HAUS7: variants seen among roughly 807,000 people sequenced by gnomAD.
The protein encoded by HAUS7 is HAUS augmin-like complex subunit 7.
Under a neutral mutation model 28.4 loss-of-function variants are expected in HAUS7, and 3 were observed. The ratio of observed to expected loss-of-function variants is 0.11; its 90% CI spans 0.05 to 0.27. The LOEUF is 0.27. Among genes scored for constraint, HAUS7 ranks in the 10% least tolerant of loss-of-function variants. HAUS7 has a pLI of 1.00. For synonymous variants in HAUS7, 165 were observed against 132.1 expected, an observed-to-expected ratio of 1.25 and a Z score of -1.71; for missense variants, 284 against 297.3, an observed-to-expected ratio of 0.96 and a Z score of 0.33.
intron 4 of HAUS7, chrX:153,461,822 G>A (rs187036066): frequency 4.3e-4 from 124 of 290,193 alleles, no homozygotes; most frequent in African/African-American, 3.1e-3. Flanking sequence ...CTGGAAAACA[G>A]TTTGGGGGCT....
intron 1 of HAUS7, among the ~76,000 whole-genome samples, chrX:153,488,511 C>CG (rs782374667): frequency 1.8e-5 from 2 of 112,910 alleles, no homozygotes; most frequent in South Asian, 3.6e-4. Context: ...CAGACTGTGG[C>CG]GGGGGCGGGA....
intron 1 of HAUS7, among the ~76,000 whole-genome samples, chrX:153,491,845 G>A: frequency 8.8e-6 from 1 of 113,407 alleles, no homozygotes; most frequent in East Asian, 2.8e-4. Context: ...TCCGGCAGGA[G>A]AAGGGGTCTC....
chrX:153,447,759 C>T lies in HAUS7; in HGVS notation c.*119G>A, dbSNP rs868986878. 9 of 626,905 alleles carry T rather than the reference C, an allele frequency of 1.4e-5. No homozygotes were observed. Among genetic ancestry groups the T allele is most frequent in the Admixed American group, 2.2e-5 (1 of 45,438 alleles). The allele number at this position is 626,905 out of a possible 1,213,427, so 51.7% of individuals were successfully genotyped here. A position where few individuals can be genotyped will look rare whatever the true frequency, so the allele number is the denominator to read the frequency against. On this transcript the variant is annotated 3_prime_UTR_variant, in exon 10 of 10. Transcript: ENST00000370211. ...CCAAAGGTCCCTGCCTAGAGCACAA[C>T]GTGGGGCTGCAACGGCTTCTGCTGC...
At chrX:153,450,229 C>T (rs1449650510) in intron 9 of HAUS7, among the ~76,000 whole-genome samples, 3 of 112,408 alleles carry the variant, frequency 2.7e-5, no homozygotes, top group African/African-American at 9.7e-5. Context: ...AGGTTTCACC[C>T]GGGCTGCCGC....
chrX:153,465,281 T>C (rs2089441649), intron 2 of HAUS7, among the ~76,000 whole-genome samples: 1 of 97,784 alleles, frequency 1.0e-5, no homozygotes, highest in Non-Finnish European at 2.0e-5. Flanking sequence ...GAAATGAATC[T>C]GGATACTGAA....
intron 1 of HAUS7, among the ~76,000 whole-genome samples, chrX:153,477,791 G>A (rs1422124715): frequency 1.8e-5 from 2 of 112,373 alleles, no homozygotes; most frequent in African/African-American, 6.5e-5. Flanking sequence ...TCCAAATTCA[G>A]GTCAGAAACC....
intron 1 of HAUS7, among the ~76,000 whole-genome samples, chrX:153,491,220 G>A: frequency 8.9e-6 from 1 of 111,829 alleles, no homozygotes; most frequent in Non-Finnish European, 1.9e-5. Flanking sequence ...CCCTGCATAA[G>A]AGGCCACCTC....
At chrX:153,455,202 T>G in intron 8 of HAUS7, 1 of 411,753 alleles carries the variant, frequency 2.4e-6, no homozygotes, top group Non-Finnish European at 4.4e-6. Context: ...GACCTTGCTA[T>G]TTTGGAGCGT....
At chrX:153,464,947 A>G in intron 3 of HAUS7, 41 bp downstream of exon 3, 1 of 907,831 alleles carries the variant, frequency 1.1e-6, no homozygotes, top group Non-Finnish European at 1.6e-6. Flanking sequence ...CTCCATAAGG[A>G]GGCTGTGGAC....
intron 1 of HAUS7, 143 bp downstream of exon 1, chrX:153,470,307 C>A: frequency 3.6e-6 from 2 of 548,304 alleles, no homozygotes; most frequent in Non-Finnish European, 6.0e-6. Flanking sequence ...ACAAGCACCC[C>A]CTGCTGCAAG....
upstream of HAUS7, among the ~76,000 whole-genome samples, chrX:153,472,842 T>C (rs944390719): frequency 1.0e-5 from 1 of 95,753 alleles, no homozygotes; most frequent in East Asian, 3.3e-4. Flanking sequence ...GCCAAAAATG[T>C]GGCTGAAGGA....
intron 9 of HAUS7, among the ~76,000 whole-genome samples, chrX:153,449,934 T>C (rs1478985782): frequency 1.8e-5 from 2 of 112,478 alleles, no homozygotes; most frequent in African/African-American, 3.2e-5. Flanking sequence ...TTTTCACAGC[T>C]GTCCAAGCAT....
At chrX:153,462,145 C>A in intron 4 of HAUS7, 1 of 1,027,706 alleles carries the variant, frequency 9.7e-7, no homozygotes. Context: ...TACTCATAAT[C>A]ATCGAGTGAA....
upstream of HAUS7, among the ~76,000 whole-genome samples, chrX:153,472,340 C>G (rs1402151809): frequency 1.8e-5 from 2 of 111,715 alleles, no homozygotes; most frequent in African/African-American, 6.5e-5. Flanking sequence ...TCATGGAGAA[C>G]CTGTTGGCCA....
chrX:153,476,774 C>T (rs1439752693), intron 1 of HAUS7, among the ~76,000 whole-genome samples: 2 of 111,693 alleles, frequency 1.8e-5, no homozygotes, highest in Non-Finnish European at 3.8e-5. Flanking sequence ...GGCTGCATCC[C>T]TGGTTCCTGG....
upstream of HAUS7, chrX:153,470,904 G>T (rs1556985186): frequency 2.8e-6 from 1 of 351,264 alleles, no homozygotes; most frequent in East Asian, 8.1e-5. Context: ...GGGCCAAGCT[G>T]GCTCTGAGTC....
intron 1 of HAUS7, chrX:153,483,528 G>A: frequency 1.4e-6 from 1 of 721,212 alleles, no homozygotes; most frequent in Non-Finnish European, 1.6e-6. Flanking sequence ...CGAGAGGCAG[G>A]TGGGGAAGGC....
At chrX:153,476,430 C>A (rs1284321896) in intron 1 of HAUS7, among the ~76,000 whole-genome samples, 7 of 112,075 alleles carry the variant, frequency 6.2e-5, no homozygotes, top group African/African-American at 2.3e-4. Context: ...GGCTACCAAT[C>A]TGAGTCCCAG....
intron 2 of HAUS7, among the ~76,000 whole-genome samples, chrX:153,466,575 C>A (rs1356611504): frequency 8.9e-6 from 1 of 111,976 alleles, no homozygotes; most frequent in Non-Finnish European, 1.9e-5. Flanking sequence ...ATGGGGCTGA[C>A]AGGGTGCGGT....
Sources: gnomAD v4.1 joint callset for allele counts (sites outside exome capture counted in the v4.1 genomes callset) on GRCh38, gnomAD v4.1.1 for gene constraint, MANE v1.5 for transcripts, NCBI Gene and HGNC (gene_info 2026-07-23, HGNC 2026-07-21) for gene names.